Variants in BRCA1 observed in about 807,000 individuals in gnomAD.
The protein encoded by BRCA1 is BRCA1 DNA repair associated, also known as breast cancer type 1 susceptibility protein.
A neutral mutation model predicts 173.7 loss-of-function variants in BRCA1; 140 were observed. That is an observed-to-expected ratio of 0.81 (90% CI 0.70 to 0.93). The LOEUF (loss-of-function observed/expected upper bound fraction) is 0.93, where lower values mean the gene tolerates loss of function less well. Ranked by LOEUF, BRCA1 falls within the 40% of genes least tolerant of loss-of-function variation. The pLI is 0.00. For synonymous variants in BRCA1, 662 were observed against 756.0 expected, an observed-to-expected ratio of 0.88 and a Z score of 2.04; for missense variants, 1,983 against 2,172.5, an observed-to-expected ratio of 0.91 and a Z score of 1.73.
chr17:43,094,899 A>T (rs2154501992), intron 9 of BRCA1, 39 bp from the exon 10 acceptor site: 1 of 1,545,766 alleles, frequency 6.5e-7, no homozygotes, highest in Non-Finnish European at 8.8e-7. Flanking sequence ...TCAAAAACTG[A>T]ATTGTCATTA....
chr17:43,120,710 A>G (rs1023943811), intron 2 of BRCA1, among the ~76,000 whole-genome samples: 3 of 152,120 alleles, frequency 2.0e-5, no homozygotes, highest in Admixed American at 1.3e-4. Flanking sequence ...GCTTGCAGTG[A>G]GCCGAGATGG....
intron 1 of BRCA1, chr17:43,145,221 C>CT: frequency 1.4e-6 from 1 of 704,512 alleles, no homozygotes; most frequent in Non-Finnish European, 2.7e-6. Context: ...AGTCCAGCCT[C>CT]TGATGAAGCA....
intron 21 of BRCA1, 77 bp downstream of exon 21, chr17:43,049,044 G>A (rs925030583): frequency 1.3e-5 from 18 of 1,381,290 alleles, no homozygotes; most frequent in Non-Finnish European, 1.7e-5. Flanking sequence ...GGCATCCATA[G>A]GGACTGACAG....
intron 1 of BRCA1, chr17:43,170,069 G>C: frequency 2.6e-6 from 1 of 384,644 alleles, no homozygotes; most frequent in Non-Finnish European, 5.2e-6. Flanking sequence ...GCTGGGAGAC[G>C]GAGGCCATAG....
rs397509257 is a variant in BRCA1, at chr17:43,051,089, T to C, written c.5306A>G (p.Tyr1769Cys). ...KIFRGLEICCYGPFTNMPTDQ... is the reference protein window; with the variant it reads ...KIFRGLEICCCGPFTNMPTDQ... ...TGTGGGCATGTTGGTGAAGGGCCCA[T>C]AGCAACAGATTTCTAGCCCCCTGAA... Residue 1769 changes from tyrosine (Y) to cysteine (C), a missense_variant, in exon 20 of 23, where the codon TAT becomes TGT. Coordinates refer to ENST00000357654, the MANE Select transcript of BRCA1 (RefSeq NM_007294.4). 75 of 1,613,850 alleles carry C rather than the reference T, an allele frequency of 4.6e-5. 1 individual carries two copies. In the South Asian group the frequency reaches 7.9e-4, roughly 17 times the overall value.
chr17:43,116,165 T>G (rs765993367), intron 2 of BRCA1, among the ~76,000 whole-genome samples: 2 of 151,242 alleles, frequency 1.3e-5, no homozygotes, highest in African/African-American at 4.8e-5. Flanking sequence ...TTTCTGCTTA[T>G]ATTTCTTTTG....
intron 1 of BRCA1, among the ~76,000 whole-genome samples, chr17:43,154,465 C>G (rs1207628456): frequency 6.6e-6 from 1 of 151,944 alleles, no homozygotes. Context: ...GCTTGGGTGA[C>G]AGAGCTAGAC....
At chr17:43,155,541 T>G (rs1232216809) in intron 1 of BRCA1, among the ~76,000 whole-genome samples, 2 of 152,002 alleles carry the variant, frequency 1.3e-5, no homozygotes, top group Non-Finnish European at 1.5e-5. Flanking sequence ...AAACTTTTTT[T>G]GGGGGGAGAT....
At chr17:43,047,760 G>A (rs2152820688) in intron 21 of BRCA1, 57 bp from the exon 22 acceptor site, 1 of 1,576,658 alleles carries the variant, frequency 6.3e-7, no homozygotes, top group Non-Finnish European at 8.7e-7. Context: ...TACTGGAACT[G>A]TCACTTCATC....
intron 19 of BRCA1, among the ~76,000 whole-genome samples, chr17:43,052,961 C>G (rs1235749337): frequency 6.6e-6 from 1 of 151,174 alleles, no homozygotes; most frequent in African/African-American, 2.4e-5. Context: ...ACTGCAACCT[C>G]CACCTCCTGG....
rs2154338457 is a variant in BRCA1 at position 43,092,354 on chromosome 17, A to G, written c.3177T>C (p.Asn1059=). 1 of 1,613,942 alleles carries G rather than the reference A, an allele frequency of 6.2e-7. No homozygotes were observed. Among genetic ancestry groups the G allele is most frequent in the Non-Finnish European group, 8.5e-7 (1 of 1,180,002 alleles). ...TGTTTTCATCACTGGAACCTATTTC[A>G]TTAATACTGGAGCCCACTTCATTAG... ...SSTNEVGSSI[N]EIGSSDENIQ... is the part of the protein sequence containing the mutation. The change falls in exon 10 of 23, where the codon AAT becomes AAC. Residue 1059 remains asparagine, a synonymous_variant. Transcript: ENST00000357654.
At position 43,056,866 on chromosome 17, in the gene BRCA1, A is replaced by G. The variant is rs8176284; in HGVS notation, c.5277+186T>C. 6.3e-4 allele frequency among the ~76,000 whole-genome samples: 96 copies of G among 152,346 alleles called. 4 individuals are homozygous for G. The South Asian group carries it at 0.018, about 29-fold the overall frequency. ...AAATCTCTTAGTTTTATCATTCATA[A>G]AGTAGAGACAATACTTATTTATGTG... On this transcript the variant is annotated intron_variant, in intron 19 of 22. Coordinates refer to ENST00000357654, the MANE Select transcript of BRCA1 (RefSeq NM_007294.4).
Position 43,091,495 on chromosome 17 carries a change from CT to C in BRCA1, c.4035del (p.Glu1346LysfsTer20), listed in dbSNP as rs80357711. On this transcript the variant is annotated frameshift_variant, in exon 10 of 23. Coordinates refer to ENST00000357654, the MANE Select transcript of BRCA1 (RefSeq NM_007294.4). LOFTEE classifies it high-confidence loss of function. ...TTTTCTTCCAAGCCCGTTCCTCTTT[CT>C]TCATCATCTGAAACCAATTCCTTGT... is the stretch of plus-strand genomic sequence containing the variant. Reference protein sequence around the residue: ...LSDKELVSDDEERGTGLEENN... With the variant: ...LSDKELVSDDXERGTGLEENN... The C allele has an allele frequency of 1.1e-5, 18 of 1,613,396 alleles. No individual in the cohort carries two copies. The highest frequency in any genetic ancestry group is 1.4e-5 in the Non-Finnish European group (17 of 1,179,598).
intron 12 of BRCA1, among the ~76,000 whole-genome samples, chr17:43,081,396 C>A (rs2052997075): frequency 6.6e-6 from 1 of 152,226 alleles, no homozygotes; most frequent in African/African-American, 2.4e-5. Context: ...CAAGGCACAA[C>A]TGGGGACCAA....
chr17:43,161,495 G>A (rs932189341), intron 1 of BRCA1: 3 of 152,122 alleles, frequency 2.0e-5, no homozygotes, highest in African/African-American at 7.2e-5. Context: ...ACAACTACTT[G>A]TCAGGCAGCT....
At chr17:43,140,741 G>A (rs1170074839) in intron 1 of BRCA1, among the ~76,000 whole-genome samples, 1 of 152,058 alleles carries the variant, frequency 6.6e-6, no homozygotes. Flanking sequence ...CCTAGTCTAG[G>A]AGCCCTTTGA....
chr17:43,119,009 A>G, intron 2 of BRCA1: 1 of 213,728 alleles, frequency 4.7e-6, no homozygotes, highest in Non-Finnish European at 9.5e-6. Context: ...CAAGTGATCC[A>G]TCTGCCTCGA....
Position 43,094,007 on chromosome 17 carries a change from A to G in BRCA1, c.1524T>C (p.Pro508=), listed in dbSNP as rs200616937. 6 of 1,614,004 alleles carry G rather than the reference A, an allele frequency of 3.7e-6. No individual in the cohort carries two copies. In the Admixed American group the frequency reaches 1.0e-4, roughly 27 times the overall value. ...AATCCTCAGGATGAAGGCCTGATGT[A>G]GGTCTCCTTTTACGCTTTAATTTAT... ...LTNKLKRKRR[P]TSGLHPEDFI... Residue 508 remains proline (P), a synonymous_variant, in exon 10 of 23, where the codon CCT becomes CCC. Transcript: ENST00000357654.
intron 6 of BRCA1, among the ~76,000 whole-genome samples, chr17:43,100,631 G>A (rs1297331136): frequency 0.074 from 2,721 of 36,886 alleles, 439 homozygotes; most frequent in African/African-American, 0.4. Flanking sequence ...ATATATATAT[G>A]TTATATATAT....
Sources: gnomAD v4.1 joint callset for allele counts (sites outside exome capture counted in the v4.1 genomes callset) on GRCh38, gnomAD v4.1.1 for gene constraint, MANE v1.5 for transcripts, NCBI Gene and HGNC (gene_info 2026-07-23, HGNC 2026-07-21) for gene names.